FAM227B: variants seen among roughly 807,000 people sequenced by gnomAD.
The protein encoded by FAM227B is protein FAM227B.
FAM227B carries 88 observed loss-of-function variants against 73.8 expected under a neutral mutation model. That is an observed-to-expected ratio of 1.19 (90% confidence interval 1.00 to 1.42). FAM227B has a LOEUF of 1.42. Among genes scored for constraint, FAM227B ranks in the 40% most tolerant of loss-of-function variants. FAM227B has a pLI of 0.00. For synonymous variants in FAM227B, 210 were observed against 190.5 expected (o/e 1.10, Z -0.84); for missense variants, 632 against 590.9 (o/e 1.07, Z -0.72).
At chr15:49,367,229 T>C (rs1596609325) in intron 13 of FAM227B, among the ~76,000 whole-genome samples, 1 of 152,264 alleles carries the variant, frequency 6.6e-6, no homozygotes, top group Non-Finnish European at 1.5e-5. Context: ...TGGGTTAATG[T>C]TTGTTTTATT....
chr15:49,508,079 T>C, intron 11 of FAM227B, 132 bp downstream of exon 11: 1 of 894,150 alleles, frequency 1.1e-6, no homozygotes, highest in Admixed American at 3.0e-5. Flanking sequence ...CACTATAACA[T>C]CAATCTATAA....
At chr15:49,491,075 C>A (rs1389797594) in intron 11 of FAM227B, among the ~76,000 whole-genome samples, 1 of 151,894 alleles carries the variant, frequency 6.6e-6, no homozygotes. Flanking sequence ...AAAATTTAGT[C>A]AGCTCTTATT....
chr15:49,366,487 A>G, intron 13 of FAM227B: 2 of 1,174,402 alleles, frequency 1.7e-6, no homozygotes, highest in South Asian at 1.2e-5. Flanking sequence ...CGGAAGTCAG[A>G]TTCATCAAAC....
chr15:49,454,565 CAAG>C (rs2053089375), intron 11 of FAM227B, among the ~76,000 whole-genome samples: 1 of 152,122 alleles, frequency 6.6e-6, no homozygotes, highest in Non-Finnish European at 1.5e-5. Context: ...AAGAGGTCTC[CAAG>C]ATCTAGATAT....
intron 11 of FAM227B, among the ~76,000 whole-genome samples, chr15:49,507,633 C>T (rs1275043158): frequency 4.6e-5 from 7 of 151,828 alleles, no homozygotes; most frequent in South Asian, 2.1e-4. Flanking sequence ...AGAATTTGGA[C>T]GTGGCTCAAA....
chr15:49,335,438 T>A lies in FAM227B; in HGVS notation c.1330A>T (p.Asn444Tyr). 1 of 1,612,372 alleles carries A rather than the reference T, an allele frequency of 6.2e-7. No individual in the cohort carries two copies. Among genetic ancestry groups the A allele is most frequent in the Non-Finnish European group, 8.5e-7 (1 of 1,178,428 alleles). Residue 444 changes from asparagine (N) to tyrosine (Y), a missense_variant, in exon 14 of 16, where the codon AAC (asparagine) becomes TAC (tyrosine). Asn to Tyr is a moderately radical substitution (Grantham distance 143). Transcript: ENST00000299338. ...IKEAKRQFAR[N>Y]QKDFRILQAK... ...ACTTACATCCTAAAATCCTTTTGGT[T>A]CCTTGCAAATTGTCTTTTTGCCTCC...
intron 11 of FAM227B, among the ~76,000 whole-genome samples, chr15:49,421,876 C>G (rs918366643): frequency 2.0e-5 from 3 of 152,114 alleles, no homozygotes; most frequent in Non-Finnish European, 4.4e-5. Context: ...AGCTTTCTAG[C>G]TTTCAACAGA....
At chr15:49,407,604 G>A (rs2048602935) in intron 11 of FAM227B, among the ~76,000 whole-genome samples, 1 of 148,496 alleles carries the variant, frequency 6.7e-6, no homozygotes, top group South Asian at 2.1e-4. Context: ...CCGCTGTTTT[G>A]TCCCTCATTC....
At chr15:49,506,739 AT>A (rs1290901619) in intron 11 of FAM227B, among the ~76,000 whole-genome samples, 3 of 152,076 alleles carry the variant, frequency 2.0e-5, no homozygotes, top group African/African-American at 7.2e-5. Flanking sequence ...ATTACAGTAA[AT>A]GTTAGAAAAT....
intron 13 of FAM227B, among the ~76,000 whole-genome samples, chr15:49,337,957 A>G (rs2040046672): frequency 1.3e-5 from 2 of 152,324 alleles, no homozygotes; most frequent in African/African-American, 2.4e-5. Flanking sequence ...CACTGCCGCA[A>G]TAAACATACG....
intron 11 of FAM227B, among the ~76,000 whole-genome samples, chr15:49,385,316 T>C (rs533353303): frequency 6.6e-6 from 1 of 152,026 alleles, no homozygotes; most frequent in South Asian, 2.1e-4. Context: ...AGCTTTGCCA[T>C]TTGTTGATTA....
intron 9 of FAM227B, among the ~76,000 whole-genome samples, chr15:49,550,603 G>A (rs1255314927): frequency 6.6e-6 from 1 of 151,870 alleles, no homozygotes. Context: ...CCTCCCAGAC[G>A]GGGTCACGGC....
At chr15:49,556,446 GT>G (rs1412844834) in intron 9 of FAM227B, among the ~76,000 whole-genome samples, 1 of 152,170 alleles carries the variant, frequency 6.6e-6, no homozygotes, top group East Asian at 1.9e-4. Context: ...TGCTGTGCTG[GT>G]GGGCTAAAGT....
chr15:49,513,430 C>T (rs12708419), intron 10 of FAM227B, among the ~76,000 whole-genome samples: 152,317 of 152,362 alleles, frequency 1, 76,136 homozygotes, highest in Non-Finnish European at 1. Context: ...TTCATATCCT[C>T]TGCCCACTTT....
intron 5 of FAM227B, among the ~76,000 whole-genome samples, chr15:49,585,478 G>T (rs1458582393): frequency 6.6e-6 from 1 of 152,332 alleles, no homozygotes; most frequent in South Asian, 2.1e-4. Context: ...TTAAGAAAAT[G>T]TGGCACATAT....
At chr15:49,517,157 T>C (rs564284940) in intron 10 of FAM227B, among the ~76,000 whole-genome samples, 3 of 152,176 alleles carry the variant, frequency 2.0e-5, no homozygotes, top group African/African-American at 4.8e-5. Context: ...AATAGAAAAC[T>C]AATACAGCCT....
intron 11 of FAM227B, among the ~76,000 whole-genome samples, chr15:49,498,413 A>G (rs2057816197): frequency 6.6e-6 from 1 of 152,228 alleles, no homozygotes; most frequent in African/African-American, 2.4e-5. Context: ...AGCTCTCTTA[A>G]GTTAACACAC....
At chr15:49,469,987 G>C (rs2054590697) in intron 11 of FAM227B, among the ~76,000 whole-genome samples, 1 of 152,132 alleles carries the variant, frequency 6.6e-6, no homozygotes, top group Non-Finnish European at 1.5e-5. Context: ...CTTTTCATTA[G>C]AGGATGGCAT....
At chr15:49,548,613 T>A (rs1414113481) in intron 9 of FAM227B, among the ~76,000 whole-genome samples, 1 of 152,220 alleles carries the variant, frequency 6.6e-6, no homozygotes, top group Non-Finnish European at 1.5e-5. Context: ...TAGTTCTTCT[T>A]TGAATGTTTG....
Sources: allele counts gnomAD v4.1 joint callset (sites outside exome capture counted in the v4.1 genomes callset), GRCh38; gene constraint gnomAD v4.1.1; transcripts MANE v1.5; gene names NCBI Gene and HGNC (gene_info 2026-07-23, HGNC 2026-07-21).